Variants in SPG11 observed in about 807,000 individuals in gnomAD.
The protein encoded by SPG11 is SPG11 vesicle trafficking associated, spatacsin, also known as spatacsin.
SPG11 carries 222 observed loss-of-function variants against 274.0 expected under a neutral mutation model. That is an observed-to-expected ratio of 0.81 (90% CI 0.73 to 0.91). The LOEUF (loss-of-function observed/expected upper bound fraction) is 0.91, where lower values mean the gene tolerates loss of function less well. SPG11 is among the 40% of genes least tolerant of loss of function. SPG11 has a pLI of 0.00. For synonymous variants in SPG11, 1,144 were observed against 1,039.7 expected, an observed-to-expected ratio of 1.10 and a Z score of -1.93; for missense variants, 3,114 against 2,872.7, an observed-to-expected ratio of 1.08 and a Z score of -1.92.
intron 13 of SPG11, 78 bp from the exon 14 acceptor site, chr15:44,622,012 A>T: frequency 7.9e-7 from 1 of 1,261,102 alleles, no homozygotes; most frequent in Admixed American, 2.2e-5. Context: ...GCTCAAGAAC[A>T]TCCACTCTTT....
chr15:44,600,676 T>A (rs2083163201), intron 20 of SPG11, 44 bp from the exon 21 acceptor site: 1 of 1,594,672 alleles, frequency 6.3e-7, no homozygotes, highest in African/African-American at 1.3e-5. Context: ...TATATCACCA[T>A]AATTAATTTC....
At chr15:44,594,163 C>G (rs1412983641) in intron 26 of SPG11, among the ~76,000 whole-genome samples, 1 of 151,508 alleles carries the variant, frequency 6.6e-6, no homozygotes, top group Non-Finnish European at 1.5e-5. Context: ...CGGTGGCTCA[C>G]GCCTGTAAAT....
intron 30 of SPG11, among the ~76,000 whole-genome samples, chr15:44,580,075 T>A (rs2082629093): frequency 1.3e-5 from 2 of 152,222 alleles, no homozygotes; most frequent in East Asian, 3.8e-4. Context: ...TTGTACCATT[T>A]AAAAAAATTT....
intron 38 of SPG11, 122 bp from the exon 39 acceptor site, chr15:44,564,820 AT>A: frequency 9.1e-7 from 1 of 1,096,126 alleles, no homozygotes; most frequent in Non-Finnish European, 1.4e-6. Flanking sequence ...ATTACCAATT[AT>A]GTTAAAAGGC....
chr15:44,663,270 G>C, intron 1 of SPG11, 121 bp downstream of exon 1: 1 of 1,359,270 alleles, frequency 7.4e-7, no homozygotes, highest in Non-Finnish European at 1.0e-6. Context: ...TCCTGCAGCT[G>C]GCACCCTTCT....
intron 7 of SPG11, among the ~76,000 whole-genome samples, chr15:44,648,512 CAAAAAA>C (rs57643988): frequency 1.8e-5 from 1 of 54,180 alleles, no homozygotes; most frequent in Admixed American, 2.1e-4. Flanking sequence ...CACCCTGTGT[CAAAAAA>C]AAAAAAAAAA....
At chr15:44,602,057 T>A (rs1411404542) in intron 20 of SPG11, among the ~76,000 whole-genome samples, 1 of 152,274 alleles carries the variant, frequency 6.6e-6, no homozygotes, top group Non-Finnish European at 1.5e-5. Context: ...GATTTTTGTA[T>A]GTTGATTTAA....
chr15:44,648,119 T>C (rs1325699225), intron 7 of SPG11, among the ~76,000 whole-genome samples: 1 of 152,176 alleles, frequency 6.6e-6, no homozygotes, highest in East Asian at 1.9e-4. Flanking sequence ...TCTCATATGG[T>C]TGTTTTGGGA....
intron 7 of SPG11, among the ~76,000 whole-genome samples, chr15:44,643,058 A>G (rs564854387): frequency 2.0e-5 from 3 of 152,278 alleles, no homozygotes; most frequent in East Asian, 3.9e-4. Flanking sequence ...TTACTCATTC[A>G]TTTTTATGTA....
chr15:44,566,865 A>AT lies in SPG11; in HGVS notation c.6754+558dup, dbSNP rs927490810. Among the ~76,000 whole-genome samples the AT allele has an allele frequency of 5.6e-3, 833 of 148,246 alleles. 10 individuals carry two copies. Among genetic ancestry groups the AT allele is most frequent in the African/African-American group, 0.019 (753 of 40,574 alleles). ...CAGGTGCATGCCGCCACACCTGGCT[A>AT]TTTTTTTTTTGTATTTTAGTAGAGA... On this transcript the variant is annotated intron_variant, in intron 36 of 39. Coordinates refer to ENST00000261866, the MANE Select transcript of SPG11 (RefSeq NM_025137.4).
Position 44,660,543 on chromosome 15 carries a change from A to T in SPG11, c.331T>A (p.Tyr111Asn), listed in dbSNP as rs2085074518. 2.5e-6 allele frequency: 4 copies of T among 1,614,180 alleles called. No individual in the cohort carries two copies. The highest frequency in any genetic ancestry group is 3.4e-6 in the Non-Finnish European group (4 of 1,180,022). The change falls in exon 2 of 40, where the codon TAT (tyrosine) becomes AAT (asparagine). Residue 111 changes from tyrosine to asparagine, a missense_variant. Tyr to Asn is a moderately radical substitution (Grantham distance 143). Coordinates refer to ENST00000261866, the MANE Select transcript of SPG11 (RefSeq NM_025137.4). ...KPKLLALGEN[Y>N]ELLIYEFNLK... ...TTAAATTCATAGATAAGCAGTTCAT[A>T]ATTTTCACCAAGAGCGAGCAGTTTG... is the stretch of plus-strand genomic sequence containing the variant.
chr15:44,659,422 C>G, intron 2 of SPG11, 119 bp from the exon 3 acceptor site: 1 of 886,310 alleles, frequency 1.1e-6, no homozygotes, highest in Non-Finnish European at 1.8e-6. Context: ...CTTAGTCTAA[C>G]TTTACGCAGT....
intron 4 of SPG11, 75 bp downstream of exon 4, chr15:44,657,020 A>C (rs2084959496): frequency 2.3e-6 from 3 of 1,317,984 alleles, no homozygotes; most frequent in Admixed American, 2.4e-5. Flanking sequence ...AAAAAAAAAA[A>C]CTAACGAGGA....
At chr15:44,605,970 C>T in intron 20 of SPG11, 55 bp downstream of exon 20, 1 of 1,426,262 alleles carries the variant, frequency 7.0e-7, no homozygotes, top group Non-Finnish European at 9.9e-7. Flanking sequence ...CATGTATTAA[C>T]TTCTGTAGTT....
At chr15:44,622,139 A>C (rs2083770396) in intron 13 of SPG11, 81 bp downstream of exon 13, 2 of 1,487,508 alleles carry the variant, frequency 1.3e-6, no homozygotes, top group Admixed American at 1.7e-5. Flanking sequence ...CCACATAAGA[A>C]ACTTGTGTTC....
chr15:44,627,150 T>C (rs77564301), intron 10 of SPG11, among the ~76,000 whole-genome samples: 9,741 of 152,188 alleles, frequency 0.064, 813 homozygotes, highest in African/African-American at 0.19. Context: ...TAATCAGATA[T>C]ATATTTACAG....
Position 44,596,345 on chromosome 15 carries a change from A to C in SPG11, c.4172T>G (p.Leu1391Arg). 1 of 1,614,168 alleles carries C rather than the reference A, an allele frequency of 6.2e-7. No homozygotes were observed. Among genetic ancestry groups the C allele is most frequent in the South Asian group, 1.1e-5 (1 of 91,082 alleles). The change falls in exon 25 of 40, where the codon CTT becomes CGT. Residue 1391 changes from leucine to arginine, a missense_variant. Leu to Arg is a moderately radical substitution (Grantham distance 102, BLOSUM62 -2). Transcript: ENST00000261866. ...HNYHPAEVKS[L>R]IQYFSPVIQD... The stretch of plus-strand genomic sequence containing the variant: ...AATGACTGGGCTGAAGTACTGGATA[A>C]GGGATTTCACCTAGAAGGCATATCA...
intron 39 of SPG11, 116 bp from the exon 40 acceptor site, chr15:44,563,417 C>A: frequency 1.2e-6 from 1 of 846,432 alleles, no homozygotes; most frequent in Non-Finnish European, 1.9e-6. Context: ...TGGCTCACTG[C>A]AACCTCCACC....
intron 30 of SPG11, among the ~76,000 whole-genome samples, chr15:44,576,425 G>T (rs1054291132): frequency 6.6e-6 from 1 of 151,776 alleles, no homozygotes; most frequent in Non-Finnish European, 1.5e-5. Flanking sequence ...GAGGTGGGCG[G>T]ATCACAAGGT....
Sources: allele counts gnomAD v4.1 joint callset (sites outside exome capture counted in the v4.1 genomes callset), GRCh38; gene constraint gnomAD v4.1.1; transcripts MANE v1.5; gene names NCBI Gene and HGNC (gene_info 2026-07-23, HGNC 2026-07-21).